The following SYMPK variants were observed in gnomAD, a reference collection of about 807,000 sequenced individuals.
SYMPK encodes the protein symplekin.
Under a neutral mutation model 136.4 loss-of-function variants are expected in SYMPK, and 49 were observed. The ratio of observed to expected loss-of-function variants is 0.36; its 90% CI spans 0.29 to 0.46. The LOEUF (loss-of-function observed/expected upper bound fraction) is 0.46. Among genes scored for constraint, SYMPK ranks in the 20% least tolerant of loss-of-function variants. The probability of loss-of-function intolerance (pLI) is 1.00; values close to 1 mark genes in which losing one functional copy is unlikely to be tolerated. For synonymous variants in SYMPK, 766 were observed against 713.0 expected (o/e 1.07, Z -1.19); for missense variants, 1,365 against 1,690.0 (o/e 0.81, Z 3.37).
chr19:45,816,931 C>A lies in SYMPK; in HGVS notation c.3125G>T (p.Cys1042Phe). Residue 1042 changes from cysteine to phenylalanine, a missense_variant, in exon 24 of 27, where the codon TGC becomes TTC. Physicochemically the swap from Cys to Phe is radical, Grantham distance 205. Transcript: ENST00000245934. The stretch of plus-strand genomic sequence containing the variant: ...GAAGCTCTGGGGCTTTGTGCGCTGG[C>A]AGCACTTGATGAAGCCCTCCCACAC... ...PKVWEGFIKC[C>F]QRTKPQSFQV... 6.4e-7 allele frequency: 1 copy of A among 1,560,728 alleles called. No homozygotes were observed. The highest frequency in any genetic ancestry group is 8.7e-7 in the Non-Finnish European group (1 of 1,152,352).
rs114389634 is a variant in SYMPK at position 45,850,608 on chromosome 19, C to T, written c.299+1704G>A. Among the ~76,000 whole-genome samples the T allele has an allele frequency of 3.1e-3, 478 of 152,182 alleles. 4 individuals are homozygous for T. Among genetic ancestry groups the T allele is most frequent in the African/African-American group, 0.011 (457 of 41,522 alleles). Reference sequence around the variant, plus strand: ...GGCTGCCATAATTACGGAGATAACACGGGAAAGGACCTGACACAGCGCAGG... The same window carrying T: ...GGCTGCCATAATTACGGAGATAACATGGGAAAGGACCTGACACAGCGCAGG... On this transcript the variant is annotated intron_variant, in intron 5 of 26. Transcript: ENST00000245934.
Position 45,827,577 on chromosome 19 carries a change from T to C in SYMPK, c.2114A>G (p.Lys705Arg), listed in dbSNP as rs1434657332. The change falls in exon 16 of 27, where the codon AAG (lysine) becomes AGG (arginine). Residue 705 changes from lysine (K) to arginine (R), a missense_variant. By Grantham distance (26) the Lys-to-Arg change is conservative. Transcript: ENST00000245934. ...GMSTLRDLIFKRPSRQFQYLH... is the reference protein window; with the variant it reads ...GMSTLRDLIFRRPSRQFQYLH... ...GTACTGGAACTGGCGGGACGGGCGC[T>C]TGAAGATCAGGTCTCGAAGTGTGGA... 7 of 1,614,078 alleles carry C rather than the reference T, an allele frequency of 4.3e-6. No individual in the cohort carries two copies. Among genetic ancestry groups the C allele is most frequent in the Non-Finnish European group, 4.2e-6 (5 of 1,180,008 alleles).
Position 45,816,525 on chromosome 19 carries a change from T to C in SYMPK, c.3311A>G (p.Gln1104Arg). The change falls in exon 25 of 27, where the codon CAG (glutamine) becomes CGG (arginine). Residue 1104 changes from glutamine to arginine, a missense_variant. Transcript: ENST00000245934. ...IMTILEASGK[Q>R]EPEAKEAPAG... The stretch of plus-strand genomic sequence containing the variant: ...AGGCGCCTCCTTGGCCTCTGGCTCC[T>C]GCTTGCCGCTGGCCTCCAAGATGGT... 6.2e-7 allele frequency: 1 copy of C among 1,613,650 alleles called. No homozygotes were observed. Among genetic ancestry groups the C allele is most frequent in the Non-Finnish European group, 8.5e-7 (1 of 1,179,966 alleles).
At chr19:45,854,975 T>G (rs1233634849) in intron 1 of SYMPK, 7 of 159,392 alleles carry the variant, frequency 4.4e-5, no homozygotes, top group African/African-American at 1.2e-4. Context: ...CCTCCCAGGT[T>G]CAAGTGATTC....
In SYMPK at chr19:45,821,247, G is replaced by A. The variant is rs776531135; in HGVS notation, c.2893+137C>T. 2.7e-6 allele frequency: 2 copies of A among 728,316 alleles called. No homozygotes were observed. The highest frequency in any genetic ancestry group is 1.4e-5 in the South Asian group (1 of 69,218). 45.1% of individuals were successfully genotyped at this position (728,316 alleles called of 1,614,324 possible). ...AGAAAAGGAGGGAGGGAGGGAGGTG[G>A]CTCTCCAGAGCTCTGAGGTGGGGCT... On this transcript the variant is annotated intron_variant, in intron 22 of 26. Coordinates refer to ENST00000245934, the MANE Select transcript of SYMPK (RefSeq NM_004819.3). The surrounding 1 kb of genome is among the most constrained non-coding windows in gnomAD (Gnocchi z 4.4).
rs1305287999 is a variant in SYMPK, at chr19:45,828,962, C to T, written c.1985+8G>A. On this transcript the variant is annotated splice_region_variant and intron_variant, in intron 14 of 26. Transcript: ENST00000245934. ...GGGGACAGGAGGGTGCAGGGTCAGCCCCCTCACCCATCCTTCTGGTCTGGT... is the reference window on the plus strand; with the variant it reads ...GGGGACAGGAGGGTGCAGGGTCAGCTCCCTCACCCATCCTTCTGGTCTGGT... 5.0e-6 allele frequency: 8 copies of T among 1,611,998 alleles called. No individual in the cohort carries two copies. Among genetic ancestry groups the T allele is most frequent in the East Asian group, 2.2e-5 (1 of 44,862 alleles).
At position 45,815,554 on chromosome 19, in the gene SYMPK, G is replaced by T. The variant is rs1307595591; in HGVS notation, c.*6C>A. 2.1e-6 allele frequency: 3 copies of T among 1,453,976 alleles called. No individual in the cohort carries two copies. The highest frequency in any genetic ancestry group is 1.5e-5 in the African/African-American group (1 of 65,626). The allele number at this position is 1,453,976 out of a possible 1,614,324, so 90.1% of individuals were successfully genotyped here. ...CTGTCCCACCCCCTTTCCCCCTCGA[G>T]CCCCGTCAGCTGTTCCCCTTGGCCT... On this transcript the variant is annotated 3_prime_UTR_variant, in exon 27 of 27. Coordinates refer to ENST00000245934, the MANE Select transcript of SYMPK (RefSeq NM_004819.3).
rs116247729 is a variant in SYMPK at position 45,815,875 on chromosome 19, A to G, written c.3663T>C (p.Ser1221=). Residue 1221 remains serine (S), a synonymous_variant, in exon 26 of 27, where the codon TCT becomes TCC. Coordinates refer to ENST00000245934, the MANE Select transcript of SYMPK (RefSeq NM_004819.3). ...CCTTGGGTAGGGGGCCCTCGAGACT[A>G]GAGTCCAACAGCGCGGCCTCGGTCA... is the stretch of plus-strand genomic sequence containing the variant. ...SGLTEAALLD[S]SLEGPLPKET... 2.9e-4 allele frequency: 469 copies of G among 1,611,518 alleles called. No homozygotes were observed. In the African/African-American group the frequency reaches 4.2e-3, roughly 14 times the overall value.
In SYMPK at chr19:45,842,884, T is replaced by G. The variant is rs1272896836; in HGVS notation, c.848-395A>C. On this transcript the variant is annotated intron_variant, in intron 8 of 26. Transcript: ENST00000245934. Reference sequence around the variant, plus strand: ...TGACGCCAGGATGACTTTCTAATGGTCACCCTGATAAGTGAGCCTCCCCTG... The same window carrying G: ...TGACGCCAGGATGACTTTCTAATGGGCACCCTGATAAGTGAGCCTCCCCTG... The G allele has an allele frequency of 1.5e-5, 3 of 204,418 alleles. No individual in the cohort carries two copies. In the Admixed American group the frequency reaches 1.7e-4, roughly 11 times the overall value. 12.7% of individuals were successfully genotyped at this position (204,418 alleles called of 1,614,324 possible).
intron 5 of SYMPK, among the ~76,000 whole-genome samples, chr19:45,849,234 G>A (rs977257026): frequency 2.0e-5 from 3 of 152,176 alleles, no homozygotes; most frequent in African/African-American, 7.2e-5. Context: ...TACTTGTAAA[G>A]TGCTTAGAAG....
chr19:45,826,907 G>A (rs1322760732), intron 16 of SYMPK, among the ~76,000 whole-genome samples: 6 of 152,204 alleles, frequency 3.9e-5, no homozygotes, highest in South Asian at 4.1e-4. Context: ...GGTCAAGGGC[G>A]CTCTCAACCA....
rs199508491 is a variant in SYMPK, at chr19:45,827,826, C to A, written c.2067+11G>T. 7.4e-6 allele frequency: 12 copies of A among 1,613,832 alleles called. No individual in the cohort carries two copies. The African/African-American group carries it at 8.0e-5, about 11-fold the overall frequency. On this transcript the variant is annotated intron_variant, in intron 15 of 26. Coordinates refer to ENST00000245934, the MANE Select transcript of SYMPK (RefSeq NM_004819.3). ...CTGCCCCGGGCTGCACTGACCAGGG[C>A]CTGTCCTCACCTCATCCTCGCAGTA... is the stretch of plus-strand genomic sequence containing the variant.
At chr19:45,828,741 A>G (rs1971102807) in intron 14 of SYMPK, 1 of 575,694 alleles carries the variant, frequency 1.7e-6, no homozygotes, top group Non-Finnish European at 3.1e-6. Flanking sequence ...GCTCAGAGCA[A>G]GTGGCAGAGC....
At chr19:45,839,687 G>C (rs1391485444) in intron 9 of SYMPK, among the ~76,000 whole-genome samples, 1 of 152,006 alleles carries the variant, frequency 6.6e-6, no homozygotes, top group Admixed American at 6.6e-5. Context: ...CAAAAAATTA[G>C]CCGGGCAGAT....
In SYMPK at chr19:45,844,177, C is replaced by A. The variant is rs748947769; in HGVS notation, c.700G>T (p.Ala234Ser). 6.2e-7 allele frequency: 1 copy of A among 1,606,194 alleles called. No individual in the cohort carries two copies. The highest frequency in any genetic ancestry group is 1.1e-5 in the South Asian group (1 of 89,412). ...QYNVLWEEGK[A>S]ALEQLLKFMV... ...AACTTAAGCAGCTGCTCCAAGGCTG[C>A]CTTGCCCTCTTCCCATAGCACGTCT... The change falls in exon 8 of 27, where the codon GCA becomes TCA. Residue 234 changes from alanine to serine, a missense_variant. By Grantham distance (99) the Ala-to-Ser change is moderately conservative. This residue lies in a region of SYMPK where 237 missense variants were observed against 292.9 expected (regional missense o/e 0.81). Coordinates refer to ENST00000245934, the MANE Select transcript of SYMPK (RefSeq NM_004819.3).
intron 16 of SYMPK, 60 bp downstream of exon 16, chr19:45,827,450 T>C (rs1016762118): frequency 1.6e-6 from 2 of 1,234,436 alleles, no homozygotes; most frequent in African/African-American, 3.0e-5. Flanking sequence ...TTACTCAGGA[T>C]AGAGGCGGCC....
Position 45,842,347 on chromosome 19 carries a change from T to C in SYMPK, c.990A>G (p.Thr330=). 1 of 1,614,160 alleles carries C rather than the reference T, an allele frequency of 6.2e-7. No homozygotes were observed. Among genetic ancestry groups the C allele is most frequent in the Non-Finnish European group, 8.5e-7 (1 of 1,180,028 alleles). Residue 330 remains threonine (T), a synonymous_variant, in exon 9 of 27, where the codon ACA becomes ACG. Transcript: ENST00000245934. ...QITTLLVDLG[T]PQAEIARNMP... ...TGTTGCGGGCGATCTCGGCCTGAGG[T>C]GTGCCCAGGTCCACCAGCAGGGTGG...
chr19:45,862,338 G>T (rs1039326275), intron 1 of SYMPK: 8 of 152,140 alleles, frequency 5.3e-5, no homozygotes, highest in Non-Finnish European at 1.2e-4. Context: ...CTGCCCCACT[G>T]CTACCTAGGA....
rs556006887 is a variant in SYMPK at position 45,851,785 on chromosome 19, A to G, written c.299+527T>C. Among the ~76,000 whole-genome samples the G allele has an allele frequency of 5.3e-5, 8 of 152,254 alleles. No homozygotes were observed. The South Asian group carries it at 1.7e-3, about 32-fold the overall frequency. ...GCTACTTGGGAGGCTGAGGCAGGAG[A>G]ATAGCTTGAACCCGGAAGTCGGAGG... On this transcript the variant is annotated intron_variant, in intron 5 of 26. Transcript: ENST00000245934.
Sources: gnomAD v4.1 joint callset for allele counts (sites outside exome capture counted in the v4.1 genomes callset) on GRCh38, gnomAD v4.1.1 for gene constraint, gnomAD v4.1.1 regional missense constraint, Gnocchi (gnomAD v3.1) non-coding constraint, MANE v1.5 for transcripts, NCBI Gene and HGNC (gene_info 2026-07-23, HGNC 2026-07-21) for gene names.